F8: variants seen among roughly 807,000 people sequenced by gnomAD.
F8 encodes the protein antihemophilic factor.
In F8, 12 loss-of-function variants were observed where a neutral mutation model predicts 140.6. The ratio of observed to expected loss-of-function variants is 0.09; its 90% CI spans 0.05 to 0.14. F8 has a LOEUF of 0.14. F8 is among the 10% of genes least tolerant of loss of function. The pLI, the probability that F8 is intolerant of heterozygous loss-of-function variation, is 1.00. For synonymous variants in F8, 585 were observed against 614.6 expected (o/e 0.95, Z 0.71); for missense variants, 1,354 against 1,720.7 (o/e 0.79, Z 3.77).
At chrX:154,997,715 T>C (rs188966464) in intron 2 of F8, among the ~76,000 whole-genome samples, 7 of 111,842 alleles carry the variant, frequency 6.3e-5, no homozygotes, top group African/African-American at 2.3e-4. Flanking sequence ...GAAAATATGG[T>C]CAAAAAGGAA....
At chrX:154,846,849 T>C (rs1281964947) in intron 25 of F8, among the ~76,000 whole-genome samples, 1 of 111,977 alleles carries the variant, frequency 8.9e-6, no homozygotes, top group East Asian at 2.8e-4. Context: ...GTTATTTTGC[T>C]CATTAGTTGA....
At position 154,837,462 on chromosome X, in the gene F8, T is replaced by C. The variant is rs368507968; in HGVS notation, c.*135A>G. On this transcript the variant is annotated 3_prime_UTR_variant, in exon 26 of 26. Transcript: ENST00000360256. Reference sequence around the variant, plus strand: ...CACCAAAGAAATGCAGGACTGATGATAGTTAATTCAGGAGGCTTCAAGGCA... The same window carrying C: ...CACCAAAGAAATGCAGGACTGATGACAGTTAATTCAGGAGGCTTCAAGGCA... 3.7e-5 allele frequency: 26 copies of C among 698,474 alleles called. No individual in the cohort carries two copies. In the South Asian group the frequency reaches 4.8e-4, roughly 13 times the overall value. 57.6% of individuals were successfully genotyped at this position (698,474 alleles called of 1,213,427 possible).
intron 22 of F8, among the ~76,000 whole-genome samples, chrX:154,871,450 G>T (rs2072772934): frequency 1.8e-5 from 2 of 112,218 alleles, no homozygotes; most frequent in South Asian, 3.7e-4. Context: ...ATGGGGAAAA[G>T]ATTCCCTATT....
intron 6 of F8, among the ~76,000 whole-genome samples, chrX:154,972,537 T>A (rs1191697203): frequency 1.8e-5 from 2 of 110,668 alleles, no homozygotes; most frequent in Non-Finnish European, 3.8e-5. Context: ...GTAATCCAAT[T>A]TCTTTATTTT....
intron 22 of F8, among the ~76,000 whole-genome samples, chrX:154,867,849 A>G (rs2072744255): frequency 2.7e-5 from 3 of 111,326 alleles, no homozygotes. Flanking sequence ...ATCATGAACA[A>G]GTGGTATTTA....
intron 4 of F8, among the ~76,000 whole-genome samples, chrX:154,992,067 C>G (rs1394418386): frequency 8.9e-6 from 1 of 111,935 alleles, no homozygotes; most frequent in Non-Finnish European, 1.9e-5. Context: ...TGAGAGAGAT[C>G]ATGTGGAGAG....
Position 154,966,424 on chromosome X carries a change from A to T in F8, c.1271+2T>A. The T allele has an allele frequency of 8.3e-7, 1 of 1,210,794 alleles. No homozygotes were observed. The highest frequency in any genetic ancestry group is 1.1e-6 in the Non-Finnish European group (1 of 895,080). On this transcript the variant is annotated splice_donor_variant, in intron 8 of 25. Transcript: ENST00000360256. LOFTEE classifies it high-confidence loss of function. Reference sequence around the variant, plus strand: ...GAGTACCAATAGTCAAAAAGTGCTTACCTGTCATCGGGGGCGAGGACTAAG... The same window carrying T: ...GAGTACCAATAGTCAAAAAGTGCTTTCCTGTCATCGGGGGCGAGGACTAAG...
intron 3 of F8, among the ~76,000 whole-genome samples, chrX:154,996,695 T>C (rs2073618983): frequency 9.0e-6 from 1 of 111,481 alleles, no homozygotes. Flanking sequence ...GTGAGAAATG[T>C]TTAATTTTAG....
intron 12 of F8, among the ~76,000 whole-genome samples, chrX:154,951,416 C>T (rs1399240754): frequency 2.7e-5 from 3 of 111,722 alleles, no homozygotes; most frequent in South Asian, 3.7e-4. Flanking sequence ...AACCTTTATA[C>T]TTTTCTTCCT....
At chrX:154,984,586 G>T in intron 6 of F8, 101 bp downstream of exon 6, 1 of 614,446 alleles carries the variant, frequency 1.6e-6, no homozygotes, top group Non-Finnish European at 2.8e-6. Flanking sequence ...TATTCAGTGG[G>T]CTATATCCTC....
At chrX:154,945,290 A>G (rs1236108399) in intron 13 of F8, among the ~76,000 whole-genome samples, 4 of 111,641 alleles carry the variant, frequency 3.6e-5, no homozygotes, top group African/African-American at 1.3e-4. Context: ...AGACAAAGAC[A>G]CACACATACA....
At chrX:154,941,250 T>C (rs1398273983) in intron 13 of F8, among the ~76,000 whole-genome samples, 1 of 111,732 alleles carries the variant, frequency 8.9e-6, no homozygotes, top group Non-Finnish European at 1.9e-5. Flanking sequence ...GACCCATCAG[T>C]GTGCTGTATT....
At chrX:154,968,071 C>G (rs1168356331) in intron 7 of F8, among the ~76,000 whole-genome samples, 1 of 111,869 alleles carries the variant, frequency 8.9e-6, no homozygotes. Context: ...CGACATTTTT[C>G]TCCAATAACT....
At chrX:154,859,777 A>G (rs148824857) in intron 25 of F8, among the ~76,000 whole-genome samples, 11,041 of 111,046 alleles carry the variant, frequency 0.099, 550 homozygotes, top group South Asian at 0.35. Flanking sequence ...CTTCTTGGAC[A>G]TGATGTTTAC....
intron 6 of F8, among the ~76,000 whole-genome samples, chrX:154,981,514 T>C (rs986196001): frequency 3.7e-5 from 4 of 109,393 alleles, no homozygotes; most frequent in Non-Finnish European, 7.6e-5. Context: ...CCTTTTCTTA[T>C]AAACGCCAGA....
Position 154,904,970 on chromosome X carries a change from A to G in F8, c.5427T>C (p.Ile1809=), listed in dbSNP as rs782283167. ...CTTGCCTCTGATCTTCCTCATAAGAAATAAGGCTAGAATAGAAGGAATAGG... is the reference window on the plus strand; with the variant it reads ...CTTGCCTCTGATCTTCCTCATAAGAGATAAGGCTAGAATAGAAGGAATAGG... ...SRPYSFYSSL[I]SYEEDQRQGA... The change falls in exon 16 of 26, where the codon ATT becomes ATC. Residue 1809 remains isoleucine, a synonymous_variant. Transcript: ENST00000360256. 3.3e-6 allele frequency: 4 copies of G among 1,208,392 alleles called. No individual in the cohort carries two copies. The Admixed American group carries it at 8.8e-5, about 27-fold the overall frequency.
Position 154,928,970 on chromosome X carries a change from T to A in F8, c.4820A>T (p.Glu1607Val), listed in dbSNP as rs782716843. ...ATCCTTTTTCTTAAAAGCTGTTTTTTCTGGTGACTTCTCTTGGGATTTCCA... is the reference window on the plus strand; with the variant it reads ...ATCCTTTTTCTTAAAAGCTGTTTTTACTGGTGACTTCTCTTGGGATTTCCA... The part of the protein sequence containing the change: ...EEWKSQEKSP[E>V]KTAFKKKDTI... The change falls in exon 14 of 26, where the codon GAA becomes GTA. Residue 1607 changes from glutamate to valine, a missense_variant. Transcript: ENST00000360256. The A allele has an allele frequency of 2.2e-5, 27 of 1,210,129 alleles. No homozygotes were observed. In the Admixed American group the frequency reaches 5.7e-4, roughly 25 times the overall value.
At chrX:155,013,095 G>C (rs1374782113) in intron 1 of F8, among the ~76,000 whole-genome samples, 1 of 94,047 alleles carries the variant, frequency 1.1e-5, no homozygotes, top group Non-Finnish European at 2.0e-5. Context: ...GCAGTGAGCC[G>C]AGATCGCACC....
intron 14 of F8, chrX:154,908,801 G>A (rs1569559548): frequency 8.8e-6 from 1 of 113,967 alleles, no homozygotes. Context: ...CCTAGAAAGT[G>A]GCTCTCTTGG....
Sources: gnomAD v4.1 joint callset for allele counts (sites outside exome capture counted in the v4.1 genomes callset) on GRCh38, gnomAD v4.1.1 for gene constraint, MANE v1.5 for transcripts, NCBI Gene and HGNC (gene_info 2026-07-23, HGNC 2026-07-21) for gene names.